The following RUNX2 variants were observed in gnomAD, a reference collection of about 807,000 sequenced individuals.
RUNX2 encodes runt-related transcription factor 2.
In RUNX2, 10 loss-of-function variants were observed where a neutral mutation model predicts 51.7. The ratio of observed to expected loss-of-function variants is 0.19; its 90% CI spans 0.12 to 0.33. RUNX2 has a LOEUF of 0.33. Among genes scored for constraint, RUNX2 ranks in the 10% least tolerant of loss-of-function variants. RUNX2 has a pLI of 1.00. For missense variants in RUNX2, 562 were observed against 691.3 expected (o/e 0.81, Z 2.10); for synonymous variants, 276 against 273.6 (o/e 1.01, Z -0.09).
intron 2 of RUNX2, among the ~76,000 whole-genome samples, chr6:45,347,510 C>T (rs1000062947): frequency 6.6e-6 from 1 of 152,100 alleles, no homozygotes; most frequent in Middle Eastern, 3.4e-3. Flanking sequence ...TTGAGAAAAA[C>T]AAAATCTGAC....
chr6:45,473,604 T>C (rs552950525), intron 5 of RUNX2, among the ~76,000 whole-genome samples: 1 of 152,334 alleles, frequency 6.6e-6, no homozygotes, highest in African/African-American at 2.4e-5. Context: ...AATGGCTTAA[T>C]GTCTCTTTGA....
chr6:45,375,895 C>T (rs1368400479), intron 2 of RUNX2, among the ~76,000 whole-genome samples: 1 of 151,286 alleles, frequency 6.6e-6, no homozygotes, highest in South Asian at 2.1e-4. Context: ...CCTAATTTCA[C>T]TTATCTCTCC....
chr6:45,388,955 A>C (rs1040138282), intron 2 of RUNX2, among the ~76,000 whole-genome samples: 1 of 152,228 alleles, frequency 6.6e-6, no homozygotes, highest in African/African-American at 2.4e-5. Context: ...ATGCTCCAGC[A>C]CTGGTATCAT....
intron 2 of RUNX2, among the ~76,000 whole-genome samples, chr6:45,409,285 A>T (rs1797902035): frequency 6.6e-6 from 1 of 152,144 alleles, no homozygotes; most frequent in Non-Finnish European, 1.5e-5. Flanking sequence ...ATCCTAAAAG[A>T]GTGGGTAGAC....
intron 2 of RUNX2, among the ~76,000 whole-genome samples, chr6:45,338,410 C>T (rs1464126295): frequency 6.6e-6 from 1 of 151,616 alleles, no homozygotes; most frequent in Non-Finnish European, 1.5e-5. Context: ...TACAATAAAA[C>T]TGGTATCATT....
intron 2 of RUNX2, among the ~76,000 whole-genome samples, chr6:45,329,954 T>C (rs1787119775): frequency 6.6e-6 from 1 of 151,898 alleles, no homozygotes; most frequent in African/African-American, 2.4e-5. Flanking sequence ...TGCTTTTAAC[T>C]TACAACTAAT....
chr6:45,405,059 T>G (rs1208524796), intron 2 of RUNX2, among the ~76,000 whole-genome samples: 1 of 152,262 alleles, frequency 6.6e-6, no homozygotes, highest in Non-Finnish European at 1.5e-5. Flanking sequence ...TTGTTCATGT[T>G]CTTACCAGTA....
chr6:45,532,236 CT>C (rs1801881174), intron 7 of RUNX2, among the ~76,000 whole-genome samples: 2 of 120,538 alleles, frequency 1.7e-5, no homozygotes, highest in Non-Finnish European at 3.2e-5. Context: ...ACTAGTACTG[CT>C]TTTTAATGAA....
At chr6:45,455,461 T>C (rs1799293035) in intron 5 of RUNX2, among the ~76,000 whole-genome samples, 1 of 152,218 alleles carries the variant, frequency 6.6e-6, no homozygotes, top group Non-Finnish European at 1.5e-5. Context: ...CCATATTGTT[T>C]ATTTCTACGT....
chr6:45,526,228 G>GCC (rs1801671324), intron 7 of RUNX2, among the ~76,000 whole-genome samples: 1 of 152,152 alleles, frequency 6.6e-6, no homozygotes, highest in Admixed American at 6.5e-5. Flanking sequence ...TTAAGGTGAA[G>GCC]CCTTATATAT....
At chr6:45,380,204 A>C (rs1797205766) in intron 2 of RUNX2, among the ~76,000 whole-genome samples, 1 of 152,258 alleles carries the variant, frequency 6.6e-6, no homozygotes, top group South Asian at 2.1e-4. Context: ...ATTATAACAA[A>C]GCTAAAACAG....
At position 45,422,651 on chromosome 6, in the gene RUNX2, G is replaced by C; in HGVS notation, c.117G>C (p.Met39Ile). ...PPSSSLQPGK[M>I]SDVSPVVAAQ... ...CCAGCAGCCTGCAGCCCGGCAAAATGAGCGACGTGAGCCCGGTGGTGGCTG... is the reference window on the plus strand; with the variant it reads ...CCAGCAGCCTGCAGCCCGGCAAAATCAGCGACGTGAGCCCGGTGGTGGCTG... Residue 39 changes from methionine to isoleucine, a missense_variant, in exon 3 of 9, where the codon ATG becomes ATC. Met to Ile is a conservative substitution (Grantham distance 10). This residue lies in a region of RUNX2 where 153 missense variants were observed against 144.8 expected (regional missense o/e 1.06). Transcript: ENST00000647337. The C allele has an allele frequency of 6.2e-7, 1 of 1,606,640 alleles. No individual in the cohort carries two copies. Among genetic ancestry groups the C allele is most frequent in the South Asian group, 1.1e-5 (1 of 89,848 alleles).
intron 5 of RUNX2, among the ~76,000 whole-genome samples, chr6:45,490,208 A>T (rs1474268973): frequency 6.6e-6 from 1 of 152,234 alleles, no homozygotes; most frequent in Non-Finnish European, 1.5e-5. Context: ...GGTCATCTCT[A>T]AAAGTCCTCT....
intron 2 of RUNX2, among the ~76,000 whole-genome samples, chr6:45,399,293 T>A (rs1391706139): frequency 6.6e-6 from 1 of 151,336 alleles, no homozygotes; most frequent in East Asian, 1.9e-4. Context: ...CTCTTCCCCC[T>A]TTCCCTTTTT....
rs762732551 is a variant in RUNX2 at position 45,346,105 on chromosome 6, C to T, written c.58+17321C>T. 1.6e-4 allele frequency among the ~76,000 whole-genome samples: 25 copies of T among 152,162 alleles called. 1 individual carries two copies. Among genetic ancestry groups the T allele is most frequent in the Non-Finnish European group, 3.7e-4 (25 of 68,028 alleles). Reference sequence around the variant, plus strand: ...TCCAAATTGAAAACTCTCTGATCCACCTCCATATTCCTATAGTAGCATATC... The same window carrying T: ...TCCAAATTGAAAACTCTCTGATCCATCTCCATATTCCTATAGTAGCATATC... On this transcript the variant is annotated intron_variant, in intron 2 of 8. Transcript: ENST00000647337.
intron 2 of RUNX2, among the ~76,000 whole-genome samples, chr6:45,329,361 C>T (rs551608830): frequency 4.5e-4 from 69 of 151,958 alleles, no homozygotes; most frequent in African/African-American, 1.5e-3. Flanking sequence ...TTCTAAACAA[C>T]TTTATATAAG....
chr6:45,529,013 T>C (rs1231081812), intron 7 of RUNX2, among the ~76,000 whole-genome samples: 1 of 152,216 alleles, frequency 6.6e-6, no homozygotes, highest in Non-Finnish European at 1.5e-5. Flanking sequence ...CCTGTTGGCA[T>C]CACAGTTGTA....
chr6:45,435,250 G>C (rs1264131874), intron 4 of RUNX2, among the ~76,000 whole-genome samples: 1 of 152,230 alleles, frequency 6.6e-6, no homozygotes, highest in Non-Finnish European at 1.5e-5. Flanking sequence ...GCGTCACCCT[G>C]AATTTAGGGG....
At chr6:45,374,268 T>C (rs1395106118) in intron 2 of RUNX2, among the ~76,000 whole-genome samples, 1 of 152,206 alleles carries the variant, frequency 6.6e-6, no homozygotes, top group Admixed American at 6.5e-5. Context: ...CAGAACATTA[T>C]TATCACTTCT....
Sources: allele counts gnomAD v4.1 joint callset (sites outside exome capture counted in the v4.1 genomes callset), GRCh38; gene constraint gnomAD v4.1.1; regional missense constraint gnomAD v4.1.1; transcripts MANE v1.5; gene names NCBI Gene and HGNC (gene_info 2026-07-23, HGNC 2026-07-21).